GRHL2: variants seen among roughly 807,000 people sequenced by gnomAD.
GRHL2 encodes the protein grainyhead like transcription factor 2, also known as grainyhead-like protein 2 homolog.
A neutral mutation model predicts 83.8 loss-of-function variants in GRHL2; 21 were observed. That is an observed-to-expected ratio of 0.25 (90% CI 0.18 to 0.36). The LOEUF (loss-of-function observed/expected upper bound fraction) is 0.36, where lower values mean the gene tolerates loss of function less well. Among genes scored for constraint, GRHL2 ranks in the 10% least tolerant of loss-of-function variants. GRHL2 has a pLI of 1.00. For missense variants in GRHL2, 623 were observed against 781.8 expected, an observed-to-expected ratio of 0.80 and a Z score of 2.42; for synonymous variants, 280 against 278.9, an observed-to-expected ratio of 1.00 and a Z score of -0.04.
intron 1 of GRHL2, among the ~76,000 whole-genome samples, chr8:101,517,430 T>A (rs1240071558): frequency 6.6e-6 from 1 of 152,098 alleles, no homozygotes; most frequent in African/African-American, 2.4e-5. Flanking sequence ...GCAGGGAAAG[T>A]GTCCAGGCAG....
At chr8:101,503,703 G>A (rs957944801) in intron 1 of GRHL2, among the ~76,000 whole-genome samples, 1 of 152,118 alleles carries the variant, frequency 6.6e-6, no homozygotes, top group African/African-American at 2.4e-5. Flanking sequence ...GGTTGGTTTA[G>A]TAAATCATGG....
In GRHL2 at chr8:101,573,721, G is replaced by T; in HGVS notation, c.788G>T (p.Gly263Val). The change falls in exon 6 of 16, where the codon GGG becomes GTG. Residue 263 changes from glycine (G) to valine (V), a missense_variant. Around this residue, in one of 8 missense-constraint regions of GRHL2, gnomAD observed 96 missense variants for 144.8 expected, o/e 0.66. Transcript: ENST00000646743. Reference sequence around the variant, plus strand: ...ACCAAATCTCTCCGTCAGAAGCAGGGGGAGGGCCCCATGACCTACCTCAAC... The same window carrying T: ...ACCAAATCTCTCCGTCAGAAGCAGGTGGAGGGCCCCATGACCTACCTCAAC... ...EATKSLRQKQ[G>V]EGPMTYLNKG... is the part of the protein sequence containing the mutation. The T allele has an allele frequency of 6.2e-7, 1 of 1,614,156 alleles. No individual in the cohort carries two copies. Among genetic ancestry groups the T allele is most frequent in the Non-Finnish European group, 8.5e-7 (1 of 1,180,028 alleles).
intron 8 of GRHL2, among the ~76,000 whole-genome samples, chr8:101,614,253 G>A (rs1039716304): frequency 3.3e-5 from 5 of 151,038 alleles, no homozygotes; most frequent in Admixed American, 6.6e-5. Context: ...AAATGCCAAT[G>A]TTATGAGACT....
intron 1 of GRHL2, among the ~76,000 whole-genome samples, chr8:101,531,260 T>C (rs1010490984): frequency 2.7e-5 from 4 of 150,902 alleles, no homozygotes; most frequent in Middle Eastern, 3.5e-3. Context: ...GGCACTTGGA[T>C]GCAATGCTGA....
chr8:101,510,017 G>A (rs1195355222), intron 1 of GRHL2, among the ~76,000 whole-genome samples: 2 of 152,044 alleles, frequency 1.3e-5, no homozygotes, highest in East Asian at 3.9e-4. Flanking sequence ...TTGAGACAGG[G>A]TCTTACTCTG....
At chr8:101,647,202 A>G (rs1813528939) in intron 13 of GRHL2, among the ~76,000 whole-genome samples, 1 of 152,124 alleles carries the variant, frequency 6.6e-6, no homozygotes, top group East Asian at 1.9e-4. Flanking sequence ...CCTCTCTACT[A>G]AAAATACAAA....
chr8:101,580,941 G>T (rs1812040206), intron 7 of GRHL2, among the ~76,000 whole-genome samples: 1 of 152,130 alleles, frequency 6.6e-6, no homozygotes, highest in South Asian at 2.1e-4. Context: ...CTGACCTCGT[G>T]ATCTGCCCGT....
At chr8:101,524,237 C>T (rs1395745416) in intron 1 of GRHL2, among the ~76,000 whole-genome samples, 1 of 152,042 alleles carries the variant, frequency 6.6e-6, no homozygotes, top group Non-Finnish European at 1.5e-5. Context: ...AATTGTCTTC[C>T]TTTTCTAATA....
chr8:101,571,977 C>G (rs1162252532), intron 5 of GRHL2, among the ~76,000 whole-genome samples: 3 of 152,178 alleles, frequency 2.0e-5, no homozygotes, highest in South Asian at 4.1e-4. Context: ...CATGGTCCAG[C>G]AGAGCGAGCA....
intron 6 of GRHL2, among the ~76,000 whole-genome samples, chr8:101,576,473 G>C (rs1391833773): frequency 6.6e-6 from 1 of 152,100 alleles, no homozygotes; most frequent in Non-Finnish European, 1.5e-5. Flanking sequence ...TCCCCCCTCA[G>C]TTTCCCAAAG....
intron 1 of GRHL2, among the ~76,000 whole-genome samples, chr8:101,516,774 A>C (rs1057493402): frequency 6.6e-5 from 10 of 152,084 alleles, no homozygotes; most frequent in African/African-American, 2.4e-4. Flanking sequence ...CTATCATTTT[A>C]CGTATTATCT....
chr8:101,645,402 T>C (rs893216335), intron 13 of GRHL2, among the ~76,000 whole-genome samples: 6 of 152,124 alleles, frequency 3.9e-5, no homozygotes, highest in Non-Finnish European at 8.8e-5. Flanking sequence ...AAGTGCTGCA[T>C]GGACTTTTAA....
chr8:101,503,049 C>A (rs1462694281), intron 1 of GRHL2, among the ~76,000 whole-genome samples: 2 of 152,142 alleles, frequency 1.3e-5, no homozygotes, highest in Non-Finnish European at 2.9e-5. Flanking sequence ...ACACAATGAT[C>A]ATTTATTTAG....
At chr8:101,546,875 G>A (rs1270459984) in intron 2 of GRHL2, among the ~76,000 whole-genome samples, 1 of 152,162 alleles carries the variant, frequency 6.6e-6, no homozygotes, top group African/African-American at 2.4e-5. Flanking sequence ...ATTGCTTTCT[G>A]TAACTATTCT....
chr8:101,660,142 A>G (rs1423683080), intron 14 of GRHL2, among the ~76,000 whole-genome samples: 1 of 152,228 alleles, frequency 6.6e-6, no homozygotes, highest in Non-Finnish European at 1.5e-5. Flanking sequence ...CAAAGCACTT[A>G]AGCAAAAGTT....
intron 1 of GRHL2, among the ~76,000 whole-genome samples, chr8:101,532,768 A>G (rs1027771273): frequency 4.0e-5 from 6 of 151,746 alleles, no homozygotes; most frequent in Admixed American, 1.3e-4. Context: ...AAAAAAAAAA[A>G]AGAGAGAGTA....
intron 1 of GRHL2, among the ~76,000 whole-genome samples, chr8:101,511,989 C>A (rs980890495): frequency 6.6e-6 from 1 of 152,042 alleles, no homozygotes; most frequent in Non-Finnish European, 1.5e-5. Flanking sequence ...AGATTAAATT[C>A]CTTTGTGTAT....
At chr8:101,674,306 G>A (rs10217071), downstream of GRHL2, among the ~76,000 whole-genome samples, 40,104 of 151,834 alleles carry the variant, frequency 0.26, 5,750 homozygotes, top group African/African-American at 0.35. Context: ...TCGATAGACC[G>A]CTAGCAAGAC....
chr8:101,632,370 G>C lies in GRHL2; in HGVS notation c.1485+5G>C. ...AACCTGCAGAGGACCGGACAGGTATGACCTACCAGCTAACGCCCACCTCCC... is the reference window on the plus strand; with the variant it reads ...AACCTGCAGAGGACCGGACAGGTATCACCTACCAGCTAACGCCCACCTCCC... On this transcript the variant is annotated splice_donor_5th_base_variant and intron_variant, in intron 11 of 15. Coordinates refer to ENST00000646743, the MANE Select transcript of GRHL2 (RefSeq NM_024915.4). 1 of 1,613,814 alleles carries C rather than the reference G, an allele frequency of 6.2e-7. No homozygotes were observed. Among genetic ancestry groups the C allele is most frequent in the Middle Eastern group, 1.7e-4 (1 of 6,048 alleles).
Sources: gnomAD v4.1 joint callset for allele counts (sites outside exome capture counted in the v4.1 genomes callset) on GRCh38, gnomAD v4.1.1 for gene constraint, gnomAD v4.1.1 regional missense constraint, MANE v1.5 for transcripts, NCBI Gene and HGNC (gene_info 2026-07-23, HGNC 2026-07-21) for gene names.